The following NPR3 variants were observed in gnomAD, a reference collection of about 807,000 sequenced individuals.
NPR3 encodes the protein atrial natriuretic peptide receptor 3.
A neutral mutation model predicts 54.5 loss-of-function variants in NPR3; 34 were observed. That is an observed-to-expected ratio of 0.62 (90% confidence interval 0.47 to 0.83). The LOEUF is 0.83. Ranked by LOEUF, NPR3 falls within the 40% of genes least tolerant of loss-of-function variation. The pLI is 0.00. For synonymous variants in NPR3, 289 were observed against 297.1 expected (o/e 0.97, Z 0.28); for missense variants, 674 against 720.8 (o/e 0.94, Z 0.74).
At chr5:32,721,074 GA>G (rs1404480358) in intron 1 of NPR3, among the ~76,000 whole-genome samples, 1 of 152,220 alleles carries the variant, frequency 6.6e-6, no homozygotes, top group Non-Finnish European at 1.5e-5. Flanking sequence ...AACCCTAAGA[GA>G]TTGGGGAGCA....
intron 2 of NPR3, among the ~76,000 whole-genome samples, chr5:32,734,998 A>G (rs1739653651): frequency 6.6e-6 from 1 of 152,024 alleles, no homozygotes; most frequent in African/African-American, 2.4e-5. Context: ...GCATCCCCCC[A>G]AAGTGTCTGT....
intron 2 of NPR3, among the ~76,000 whole-genome samples, chr5:32,738,552 T>G (rs1007879162): frequency 6.6e-6 from 1 of 152,210 alleles, no homozygotes; most frequent in Non-Finnish European, 1.5e-5. Flanking sequence ...AACTGAGTTC[T>G]TTCTCTTACA....
At chr5:32,767,571 A>G (rs1356333117) in intron 3 of NPR3, among the ~76,000 whole-genome samples, 1 of 152,220 alleles carries the variant, frequency 6.6e-6, no homozygotes, top group Non-Finnish European at 1.5e-5. Context: ...ACCATTCATT[A>G]ACATTTCAAG....
intron 1 of NPR3, among the ~76,000 whole-genome samples, chr5:32,714,474 A>C (rs943700263): frequency 1.3e-5 from 2 of 150,902 alleles, no homozygotes; most frequent in African/African-American, 4.9e-5. Context: ...TTTAATTCCA[A>C]AAGCCTCATA....
At position 32,746,173 on chromosome 5, in the gene NPR3, T is replaced by C. The variant is rs140411693; in HGVS notation, c.1059+7143T>C. ...CAGAGAATCGAAATTAAACAGTGAG[T>C]TCACTTTGTTCTTTAGTAAGAGGTA... is the stretch of plus-strand genomic sequence containing the variant. On this transcript the variant is annotated intron_variant, in intron 3 of 7. Coordinates refer to ENST00000265074, the MANE Select transcript of NPR3 (RefSeq NM_001204375.2). Among the ~76,000 whole-genome samples the C allele has an allele frequency of 4.3e-3, 660 of 152,284 alleles. 3 individuals carry two copies. Among genetic ancestry groups the C allele is most frequent in the African/African-American group, 0.015 (641 of 41,564 alleles).
chr5:32,774,674 GTT>G (rs1202714789), intron 3 of NPR3, 32 bp from the exon 4 acceptor site: 20 of 1,576,274 alleles, frequency 1.3e-5, no homozygotes, highest in Non-Finnish European at 1.6e-5. Context: ...GTCACTTGGT[GTT>G]TTGGTTCACC....
intron 1 of NPR3, among the ~76,000 whole-genome samples, chr5:32,722,343 CTT>C (rs1738909201): frequency 6.6e-6 from 1 of 152,184 alleles, no homozygotes; most frequent in Non-Finnish European, 1.5e-5. Flanking sequence ...TTCATCCTTA[CTT>C]GCATCCTACT....
intron 3 of NPR3, among the ~76,000 whole-genome samples, chr5:32,754,621 T>G (rs879347954): frequency 6.6e-6 from 1 of 152,084 alleles, no homozygotes; most frequent in Admixed American, 6.5e-5. Context: ...ATCTTCTGAT[T>G]TTTTTTCTCC....
chr5:32,778,590 G>C (rs900592685), intron 4 of NPR3, among the ~76,000 whole-genome samples: 6 of 152,152 alleles, frequency 3.9e-5, no homozygotes, highest in Admixed American at 2.6e-4. Flanking sequence ...AAGGTAAATA[G>C]GACTGTGGCT....
At chr5:32,724,658 C>T (rs746219871) in intron 1 of NPR3, 40 bp from the exon 2 acceptor site, 3 of 1,612,628 alleles carry the variant, frequency 1.9e-6, no homozygotes, top group Non-Finnish European at 2.5e-6. Flanking sequence ...AAGTGCTCTG[C>T]AAAGGGGTGC....
At chr5:32,711,271 C>A, upstream of NPR3, 1 of 963,128 alleles carries the variant, frequency 1.0e-6, no homozygotes, top group Non-Finnish European at 1.2e-6. Flanking sequence ...TGTGGTAACA[C>A]GCTCAGCCGC....
intron 4 of NPR3, among the ~76,000 whole-genome samples, chr5:32,779,259 GA>G (rs1424590454): frequency 6.6e-6 from 1 of 152,124 alleles, no homozygotes; most frequent in African/African-American, 2.4e-5. Context: ...CAAATCAATA[GA>G]AATGCCAATT....
chr5:32,755,844 A>G (rs1457342691), intron 3 of NPR3, among the ~76,000 whole-genome samples: 1 of 152,184 alleles, frequency 6.6e-6, no homozygotes, highest in Non-Finnish European at 1.5e-5. Context: ...ATGAGTGAGA[A>G]CATGCGGTGT....
intron 3 of NPR3, among the ~76,000 whole-genome samples, chr5:32,756,549 A>G (rs2111997947): frequency 6.6e-6 from 1 of 152,238 alleles, no homozygotes; most frequent in South Asian, 2.1e-4. Context: ...CCCATTCTGT[A>G]GGTTGCCTGT....
rs1316442330 is a variant in NPR3 at position 32,786,543 on chromosome 5, C to A, written c.*198C>A. On this transcript the variant is annotated 3_prime_UTR_variant, in exon 8 of 8. Coordinates refer to ENST00000265074, the MANE Select transcript of NPR3 (RefSeq NM_001204375.2). Reference sequence around the variant, plus strand: ...TGCCTCCAGGCCTTTCATCTCATGACAAACAAATATAATAATGATATCGTG... The same window carrying A: ...TGCCTCCAGGCCTTTCATCTCATGAAAAACAAATATAATAATGATATCGTG... 4 of 566,956 alleles carry A rather than the reference C, an allele frequency of 7.1e-6. No homozygotes were observed. Among genetic ancestry groups the A allele is most frequent in the South Asian group, 2.4e-5 (1 of 42,228 alleles). The allele number at this position is 566,956 out of a possible 1,614,324, so 35.1% of individuals were successfully genotyped here. A position where few individuals can be genotyped will look rare whatever the true frequency, so the allele number is the denominator to read the frequency against.
At position 32,788,821 on chromosome 5, in the gene NPR3, A is replaced by G. The variant is rs1742760079; in HGVS notation, c.*2476A>G. 4 of 152,260 alleles carry G rather than the reference A, an allele frequency of 2.6e-5. No individual in the cohort carries two copies. In the South Asian group the frequency reaches 8.3e-4, roughly 31 times the overall value. 9.4% of individuals were successfully genotyped at this position (152,260 alleles called of 1,614,324 possible). A position where few individuals can be genotyped will look rare whatever the true frequency, so the allele number is the denominator to read the frequency against. On this transcript the variant is annotated 3_prime_UTR_variant, in exon 8 of 8. Coordinates refer to ENST00000265074, the MANE Select transcript of NPR3 (RefSeq NM_001204375.2). ...CAATTTAAAATCAATTCTTATGTTA[A>G]TATTGATTGCTTATTTACATGTCAG...
rs73078110 is a variant in NPR3, at chr5:32,766,623, T to C, written c.1060-8085T>C. On this transcript the variant is annotated intron_variant, in intron 3 of 7. Transcript: ENST00000265074. Reference sequence around the variant, plus strand: ...ACTGGGTAAATGAAGTTTTACTACATTTATTATTATTATTATTGTTATTTA... The same window carrying C: ...ACTGGGTAAATGAAGTTTTACTACACTTATTATTATTATTATTGTTATTTA... Among the ~76,000 whole-genome samples, 332 of 152,180 alleles carry C rather than the reference T, an allele frequency of 2.2e-3. 1 individual carries two copies. The highest frequency in any genetic ancestry group is 7.7e-3 in the African/African-American group (319 of 41,526).
intron 2 of NPR3, among the ~76,000 whole-genome samples, chr5:32,726,167 T>A (rs1045282267): frequency 7.9e-5 from 12 of 152,196 alleles, no homozygotes; most frequent in Admixed American, 2.6e-4. Context: ...ATACTGAGCT[T>A]CACTTCCCAG....
intron 1 of NPR3, among the ~76,000 whole-genome samples, chr5:32,697,529 C>T (rs1189627948): frequency 6.6e-6 from 1 of 150,760 alleles, no homozygotes; most frequent in African/African-American, 2.4e-5. Flanking sequence ...TGTATTCTTT[C>T]CTTCTCGATT....
Sources: allele counts gnomAD v4.1 joint callset (sites outside exome capture counted in the v4.1 genomes callset), GRCh38; gene constraint gnomAD v4.1.1; transcripts MANE v1.5; gene names NCBI Gene and HGNC (gene_info 2026-07-23, HGNC 2026-07-21).